ALK: variants seen among roughly 807,000 people sequenced by gnomAD.
The protein encoded by ALK is ALK receptor tyrosine kinase.
ALK carries 74 observed loss-of-function variants against 163.1 expected under a neutral mutation model. That is an observed-to-expected ratio of 0.45 (90% confidence interval 0.38 to 0.55). The LOEUF (loss-of-function observed/expected upper bound fraction) is 0.55, where lower values mean the gene tolerates loss of function less well. ALK is among the 20% of genes least tolerant of loss of function. ALK has a pLI of 0.00. For missense variants in ALK, 2,063 were observed against 2,105.3 expected (o/e 0.98, Z 0.39); for synonymous variants, 960 against 843.2 (o/e 1.14, Z -2.40).
intron 1 of ALK, among the ~76,000 whole-genome samples, chr2:29,816,446 A>ATTT (rs1363299247): frequency 2.6e-5 from 4 of 152,210 alleles, no homozygotes; most frequent in Non-Finnish European, 4.4e-5. Flanking sequence ...TATTATTATT[A>ATTT]TTATCAGTGA....
intron 4 of ALK, among the ~76,000 whole-genome samples, chr2:29,441,583 T>C (rs1331284971): frequency 6.6e-6 from 1 of 152,200 alleles, no homozygotes; most frequent in African/African-American, 2.4e-5. Flanking sequence ...TATTTTTCAA[T>C]TGATCTGGAA....
intron 1 of ALK, among the ~76,000 whole-genome samples, chr2:29,907,740 C>T (rs577409205): frequency 6.6e-6 from 1 of 152,054 alleles, no homozygotes; most frequent in African/African-American, 2.4e-5. Context: ...TAAATAGCTC[C>T]CACATCGATA....
chr2:29,460,139 G>A (rs905229011), intron 4 of ALK, among the ~76,000 whole-genome samples: 1 of 152,142 alleles, frequency 6.6e-6, no homozygotes, highest in African/African-American at 2.4e-5. Context: ...AGATGTGGGG[G>A]CTGAGCTCCT....
At chr2:29,303,083 C>G (rs1439741561) in intron 8 of ALK, among the ~76,000 whole-genome samples, 1 of 152,080 alleles carries the variant, frequency 6.6e-6, no homozygotes, top group Non-Finnish European at 1.5e-5. Context: ...TTATAACAGC[C>G]TACAGAATGG....
chr2:29,734,275 C>T (rs186860341), intron 1 of ALK, among the ~76,000 whole-genome samples: 32 of 152,296 alleles, frequency 2.1e-4, no homozygotes, highest in African/African-American at 7.0e-4. Context: ...CCATCTCCAT[C>T]CCCATCTGCT....
chr2:29,406,369 T>C (rs935327937), intron 4 of ALK, among the ~76,000 whole-genome samples: 2 of 152,202 alleles, frequency 1.3e-5, no homozygotes, highest in Non-Finnish European at 2.9e-5. Context: ...CCCTTTTGTA[T>C]AAGGACTTGT....
intron 4 of ALK, among the ~76,000 whole-genome samples, chr2:29,466,758 T>G (rs1287355292): frequency 6.6e-6 from 1 of 152,254 alleles, no homozygotes; most frequent in Admixed American, 6.5e-5. Flanking sequence ...CTGAAGAGTT[T>G]GTTTTGAGGC....
At chr2:29,403,209 C>T (rs139406438) in intron 4 of ALK, among the ~76,000 whole-genome samples, 65 of 152,260 alleles carry the variant, frequency 4.3e-4, no homozygotes, top group African/African-American at 1.2e-3. Flanking sequence ...CTCTCAGTCA[C>T]GCATCAAAAA....
At chr2:29,339,845 C>T (rs761323686) in intron 5 of ALK, among the ~76,000 whole-genome samples, 17 of 152,192 alleles carry the variant, frequency 1.1e-4, no homozygotes, top group Non-Finnish European at 2.2e-4. Context: ...TGGTTTCCAA[C>T]TTCCAAATCC....
Position 29,412,539 on chromosome 2 carries a change from A to C in ALK, c.1155-28680T>G, listed in dbSNP as rs567188190. ...GAAGTCCTTTCAGGCATCCATTTCC[A>C]GAATAGGGAGGTTTCAACCATATTG... On this transcript the variant is annotated intron_variant, in intron 4 of 28. Coordinates refer to ENST00000389048, the MANE Select transcript of ALK (RefSeq NM_004304.5). Among the ~76,000 whole-genome samples the C allele has an allele frequency of 2.0e-4, 30 of 152,304 alleles. 1 individual carries two copies. The highest frequency in any genetic ancestry group is 6.7e-4 in the African/African-American group (28 of 41,564).
chr2:29,537,090 T>C (rs1673278074), intron 3 of ALK, among the ~76,000 whole-genome samples: 2 of 152,222 alleles, frequency 1.3e-5, no homozygotes, highest in African/African-American at 4.8e-5. Context: ...ATTTGCAGAC[T>C]ACTCAGGTAG....
intron 4 of ALK, among the ~76,000 whole-genome samples, chr2:29,493,278 C>T (rs929476569): frequency 6.6e-6 from 1 of 152,224 alleles, no homozygotes; most frequent in Non-Finnish European, 1.5e-5. Flanking sequence ...TAACTCATTC[C>T]TGTGATCTGG....
intron 4 of ALK, among the ~76,000 whole-genome samples, chr2:29,413,352 CTT>C (rs58893508): frequency 6.9e-6 from 1 of 145,488 alleles, no homozygotes. Flanking sequence ...TACTTGTTAT[CTT>C]TTTTTTTTTT....
intron 3 of ALK, among the ~76,000 whole-genome samples, chr2:29,578,862 G>C (rs1674597451): frequency 6.6e-6 from 1 of 152,214 alleles, no homozygotes; most frequent in Non-Finnish European, 1.5e-5. Context: ...CTACCCTGGA[G>C]TCCAGCTCTT....
intron 1 of ALK, among the ~76,000 whole-genome samples, chr2:29,837,431 C>T (rs1420449539): frequency 6.6e-6 from 1 of 152,148 alleles, no homozygotes; most frequent in African/African-American, 2.4e-5. Context: ...TACTGTGCTG[C>T]ACATGTGCAG....
At chr2:29,558,410 C>A (rs1673923765) in intron 3 of ALK, among the ~76,000 whole-genome samples, 2 of 152,090 alleles carry the variant, frequency 1.3e-5, no homozygotes, top group Admixed American at 1.3e-4. Flanking sequence ...TTTAGCCTGG[C>A]CCAACATTAT....
chr2:29,258,185 G>A (rs1664997227), intron 11 of ALK, among the ~76,000 whole-genome samples: 1 of 152,136 alleles, frequency 6.6e-6, no homozygotes, highest in African/African-American at 2.4e-5. Flanking sequence ...GCATTTCCCA[G>A]ATTCTGAATT....
At chr2:29,843,402 G>A (rs1229569562) in intron 1 of ALK, among the ~76,000 whole-genome samples, 1 of 152,008 alleles carries the variant, frequency 6.6e-6, no homozygotes, top group East Asian at 1.9e-4. Context: ...AGGTTGCGAG[G>A]GTACCTGTGC....
chr2:29,635,596 G>T (rs1029204601), intron 3 of ALK, among the ~76,000 whole-genome samples: 1 of 151,866 alleles, frequency 6.6e-6, no homozygotes, highest in Non-Finnish European at 1.5e-5. Context: ...TAGAACTCTG[G>T]ATAATACATT....
Sources: allele counts gnomAD v4.1 joint callset (sites outside exome capture counted in the v4.1 genomes callset), GRCh38; gene constraint gnomAD v4.1.1; transcripts MANE v1.5; gene names NCBI Gene and HGNC (gene_info 2026-07-23, HGNC 2026-07-21).